MPPED1: variants seen among roughly 807,000 people sequenced by gnomAD.
MPPED1 encodes the protein metallophosphoesterase domain containing 1.
In MPPED1, 16 loss-of-function variants were observed where a neutral mutation model predicts 36.2. That is an observed-to-expected ratio of 0.44 (90% CI 0.30 to 0.67). MPPED1 has a LOEUF of 0.67. MPPED1 is among the 30% of genes least tolerant of loss of function. The probability of loss-of-function intolerance (pLI) is 0.10; values close to 1 mark genes in which losing one functional copy is unlikely to be tolerated. For missense variants in MPPED1, 307 were observed against 453.4 expected (o/e 0.68, Z 2.93); for synonymous variants, 199 against 191.3 (o/e 1.04, Z -0.33).
At chr22:43,413,685 T>A (rs914021326) in intron 1 of MPPED1, among the ~76,000 whole-genome samples, 2 of 152,230 alleles carry the variant, frequency 1.3e-5, no homozygotes, top group African/African-American at 4.8e-5. Context: ...TCCTTGCAAA[T>A]TGGCTTTCTG....
At chr22:43,432,255 A>AAGAGAGAGAAAGGGAGGAG (rs1353838162) in intron 2 of MPPED1, among the ~76,000 whole-genome samples, 13 of 148,250 alleles carry the variant, frequency 8.8e-5, no homozygotes, top group South Asian at 2.2e-4. Flanking sequence ...GAGGGAGGGA[A>AAGAGAGAGAAAGGGAGGAG]AGAGAGAGAA....
intron 1 of MPPED1, among the ~76,000 whole-genome samples, chr22:43,419,390 G>A (rs1929182021): frequency 6.6e-6 from 1 of 152,188 alleles, no homozygotes; most frequent in Non-Finnish European, 1.5e-5. Context: ...GTGGGCTTGT[G>A]TCAGGAAACG....
chr22:43,432,200 C>G (rs535065203), intron 2 of MPPED1, among the ~76,000 whole-genome samples: 106 of 51,542 alleles, frequency 2.1e-3, no homozygotes, highest in African/African-American at 5.9e-3. Flanking sequence ...ACCTCAGAGG[C>G]ACACAGAGAG....
intron 4 of MPPED1, among the ~76,000 whole-genome samples, chr22:43,475,686 ATGGTGATGATGGTGG>A (rs1238596646): frequency 7.3e-5 from 9 of 122,958 alleles, no homozygotes; most frequent in South Asian, 3.1e-4. Flanking sequence ...TGATGTGGTG[ATGGTGATGATGGTGG>A]TGGTGATGAT....
chr22:43,500,533 C>A (rs1932702603), intron 5 of MPPED1, among the ~76,000 whole-genome samples: 1 of 151,572 alleles, frequency 6.6e-6, no homozygotes, highest in Admixed American at 6.6e-5. Context: ...TTTTCTGTAT[C>A]CTTATGTGTG....
intron 3 of MPPED1, among the ~76,000 whole-genome samples, chr22:43,441,991 G>T (rs570385336): frequency 6.6e-6 from 1 of 152,172 alleles, no homozygotes; most frequent in Non-Finnish European, 1.5e-5. Flanking sequence ...GAAAGGAGCA[G>T]GTGGGGCCTC....
chr22:43,421,559 G>A (rs780006963), intron 1 of MPPED1, among the ~76,000 whole-genome samples: 11 of 152,238 alleles, frequency 7.2e-5, no homozygotes, highest in Non-Finnish European at 1.3e-4. Context: ...CCTCCTTGCT[G>A]GATATGCAAG....
rs1235040619 is a variant in MPPED1 at position 43,474,457 on chromosome 22, CT to C, written c.407-278del. Among the ~76,000 whole-genome samples, 1 of 152,262 alleles carries C rather than the reference CT, an allele frequency of 6.6e-6. No homozygotes were observed. Among genetic ancestry groups the C allele is most frequent in the Non-Finnish European group, 1.5e-5 (1 of 68,046 alleles). ...GTTGGGGGCCTGGCAGCAGGTACCC[CT>C]GTCAGCGATTCCAGCAGCTTCCTCC... On this transcript the variant is annotated intron_variant, in intron 3 of 6. Coordinates refer to ENST00000443721, the MANE Select transcript of MPPED1 (RefSeq NM_001044370.2). This position sits in a 1 kb window ranked among gnomAD's most constrained non-coding sequence, Gnocchi z 5.2.
intron 3 of MPPED1, among the ~76,000 whole-genome samples, chr22:43,451,081 G>A (rs1237858067): frequency 1.4e-5 from 2 of 143,772 alleles, no homozygotes; most frequent in East Asian, 2.0e-4. Context: ...ATCTCGGTTC[G>A]CTGCAACCTC....
intron 3 of MPPED1, among the ~76,000 whole-genome samples, chr22:43,463,819 C>CTTTT (rs1480549521): frequency 0.074 from 6,192 of 83,370 alleles, 416 homozygotes; most frequent in Middle Eastern, 0.093. Context: ...TTCTTTCTTT[C>CTTTT]TTTCTTTCTT....
At chr22:43,441,735 T>G (rs1306760118) in intron 3 of MPPED1, among the ~76,000 whole-genome samples, 1 of 152,184 alleles carries the variant, frequency 6.6e-6, no homozygotes, top group Non-Finnish European at 1.5e-5. Context: ...CTTTTGCAAG[T>G]AAACCCTTAA....
At chr22:43,488,405 A>G (rs1008889885) in intron 4 of MPPED1, among the ~76,000 whole-genome samples, 3 of 152,132 alleles carry the variant, frequency 2.0e-5, no homozygotes, top group Non-Finnish European at 2.9e-5. Context: ...GGCTTCTGCC[A>G]TTTCCTATAG....
chr22:43,414,741 C>T (rs6003191), intron 1 of MPPED1, among the ~76,000 whole-genome samples: 15,955 of 151,974 alleles, frequency 0.1, 1,292 homozygotes, highest in African/African-American at 0.22. Flanking sequence ...CCTCCCTCAC[C>T]GGGAACAAAA....
chr22:43,426,959 C>T (rs1929499651), intron 2 of MPPED1, among the ~76,000 whole-genome samples: 1 of 152,224 alleles, frequency 6.6e-6, no homozygotes, highest in African/African-American at 2.4e-5. Flanking sequence ...GGAGGGGCTG[C>T]AGGGATGGGG....
intron 1 of MPPED1, among the ~76,000 whole-genome samples, chr22:43,414,007 G>A (rs1375508240): frequency 2.6e-5 from 4 of 152,164 alleles, no homozygotes; most frequent in African/African-American, 4.8e-5. Context: ...TAACCACCCC[G>A]TGGTACGCTT....
chr22:43,414,728 G>A (rs1007097899), intron 1 of MPPED1, among the ~76,000 whole-genome samples: 2 of 152,006 alleles, frequency 1.3e-5, no homozygotes, highest in African/African-American at 4.8e-5. Context: ...CTCTCCCATC[G>A]CCCCTCCCTC....
rs897432297 is a variant in MPPED1, at chr22:43,507,802, T to G, written c.*2186T>G. The G allele has an allele frequency of 1.3e-5, 2 of 151,496 alleles. No individual in the cohort carries two copies. The highest frequency in any genetic ancestry group is 2.9e-5 in the Non-Finnish European group (2 of 67,870). The allele number at this position is 151,496 out of a possible 1,614,324, so 9.4% of individuals were successfully genotyped here. A position where few individuals can be genotyped will look rare whatever the true frequency, so the allele number is the denominator to read the frequency against. On this transcript the variant is annotated 3_prime_UTR_variant, in exon 7 of 7. Transcript: ENST00000443721. ...TGATTGTGGCTGTAATTTTTTTTTT[T>G]TTTTTTGTCAAGCATGTCAGACAAT...
At chr22:43,472,198 T>G (rs1301335935) in intron 3 of MPPED1, among the ~76,000 whole-genome samples, 1 of 152,264 alleles carries the variant, frequency 6.6e-6, no homozygotes, top group Non-Finnish European at 1.5e-5. Flanking sequence ...TGAAATGTTA[T>G]TAGGAATCTC....
intron 3 of MPPED1, among the ~76,000 whole-genome samples, chr22:43,471,927 C>T (rs1931391273): frequency 6.6e-6 from 1 of 152,044 alleles, no homozygotes. Flanking sequence ...GAATCTCATC[C>T]CAGCAGCCTG....
Sources: gnomAD v4.1 joint callset for allele counts (sites outside exome capture counted in the v4.1 genomes callset) on GRCh38, gnomAD v4.1.1 for gene constraint, Gnocchi (gnomAD v3.1) non-coding constraint, MANE v1.5 for transcripts, NCBI Gene and HGNC (gene_info 2026-07-23, HGNC 2026-07-21) for gene names.